Variants in KCND2 observed in about 807,000 individuals in gnomAD.
The protein encoded by KCND2 is potassium voltage-gated channel subfamily D member 2.
KCND2 carries 16 observed loss-of-function variants against 54.4 expected under a neutral mutation model. The observed-to-expected ratio is 0.29, with a 90% CI of 0.20 to 0.45. The LOEUF (loss-of-function observed/expected upper bound fraction) is 0.45, where lower values mean the gene tolerates loss of function less well. KCND2 is among the 20% of genes least tolerant of loss of function. The probability of loss-of-function intolerance (pLI) is 1.00; values close to 1 mark genes in which losing one functional copy is unlikely to be tolerated. For missense variants in KCND2, 486 were observed against 824.2 expected (o/e 0.59, Z 5.02); for synonymous variants, 317 against 310.7 (o/e 1.02, Z -0.21).
At chr7:120,725,728 A>G (rs558782399) in intron 1 of KCND2, among the ~76,000 whole-genome samples, 30 of 152,314 alleles carry the variant, frequency 2.0e-4, no homozygotes, top group African/African-American at 7.2e-4. Context: ...TATGTTGACA[A>G]TATTTAACAT....
chr7:120,396,963 T>A (rs1801164215), intron 1 of KCND2, among the ~76,000 whole-genome samples: 2 of 152,116 alleles, frequency 1.3e-5, no homozygotes, highest in South Asian at 2.1e-4. Context: ...AGTCAAGCTA[T>A]CTATTTTTAA....
chr7:120,373,514 AC>A (rs1800793444), intron 1 of KCND2, among the ~76,000 whole-genome samples: 1 of 151,890 alleles, frequency 6.6e-6, no homozygotes, highest in Non-Finnish European at 1.5e-5. Context: ...ATAATAATGA[AC>A]TTAATTGTTC....
chr7:120,691,488 G>A (rs978080524), intron 1 of KCND2, among the ~76,000 whole-genome samples: 3 of 152,152 alleles, frequency 2.0e-5, no homozygotes, highest in Middle Eastern at 3.2e-3. Context: ...CAGAGGTATA[G>A]GATGACTGAG....
At chr7:120,587,095 T>G (rs543551773) in intron 1 of KCND2, among the ~76,000 whole-genome samples, 1 of 152,272 alleles carries the variant, frequency 6.6e-6, no homozygotes, top group Non-Finnish European at 1.5e-5. Flanking sequence ...CTATTTTAGC[T>G]CTATAAATCA....
chr7:120,532,879 G>A (rs73721413), intron 1 of KCND2, among the ~76,000 whole-genome samples: 3,493 of 151,998 alleles, frequency 0.023, 141 homozygotes, highest in African/African-American at 0.08. Flanking sequence ...AAGATAAGCC[G>A]CTATGTAGTC....
intron 1 of KCND2, among the ~76,000 whole-genome samples, chr7:120,347,705 A>G (rs985420259): frequency 6.6e-6 from 1 of 151,728 alleles, no homozygotes; most frequent in Non-Finnish European, 1.5e-5. Context: ...TGCAGTGAGG[A>G]GAGATCACAC....
At chr7:120,553,607 A>G (rs978976732) in intron 1 of KCND2, among the ~76,000 whole-genome samples, 1 of 152,156 alleles carries the variant, frequency 6.6e-6, no homozygotes, top group African/African-American at 2.4e-5. Flanking sequence ...TTCTGCTGCT[A>G]CAGCTGCTGA....
chr7:120,359,215 G>A (rs1800554488), intron 1 of KCND2, among the ~76,000 whole-genome samples: 1 of 152,152 alleles, frequency 6.6e-6, no homozygotes, highest in South Asian at 2.1e-4. Flanking sequence ...GAAAGATTTT[G>A]TGCTCTGTGC....
At chr7:120,640,293 A>T in intron 1 of KCND2, among the ~76,000 whole-genome samples, 1 of 152,166 alleles carries the variant, frequency 6.6e-6, no homozygotes, top group East Asian at 1.9e-4. Flanking sequence ...CCTGTGTTTG[A>T]TGTTAATGTG....
chr7:120,292,229 A>G (rs1374995388), intron 1 of KCND2, among the ~76,000 whole-genome samples: 1 of 151,890 alleles, frequency 6.6e-6, no homozygotes, highest in African/African-American at 2.4e-5. Flanking sequence ...TAAATGTCCT[A>G]TTTGTATTTT....
At chr7:120,570,777 A>G (rs1792356179) in intron 1 of KCND2, among the ~76,000 whole-genome samples, 2 of 152,294 alleles carry the variant, frequency 1.3e-5, no homozygotes, top group African/African-American at 2.4e-5. Flanking sequence ...AGATTTCTTA[A>G]AAGTCCAGTC....
At position 120,382,284 on chromosome 7, in the gene KCND2, A is replaced by T. The variant is rs117049160; in HGVS notation, c.1115+106537A>T. Among the ~76,000 whole-genome samples the T allele has an allele frequency of 8.6e-3, 1,309 of 152,038 alleles. 27 individuals carry two copies. The highest frequency in any genetic ancestry group is 0.017 in the Middle Eastern group (5 of 294). On this transcript the variant is annotated intron_variant, in intron 1 of 5. Transcript: ENST00000331113. ...CCTAATTATTCAGATACTGAATAGG[A>T]CACGTAAGAGCACAAGGATGAAAAT...
chr7:120,566,121 A>G (rs1462012488), intron 1 of KCND2, among the ~76,000 whole-genome samples: 1 of 152,186 alleles, frequency 6.6e-6, no homozygotes, highest in Non-Finnish European at 1.5e-5. Flanking sequence ...TCTACCTATT[A>G]CTGACATATG....
intron 1 of KCND2, among the ~76,000 whole-genome samples, chr7:120,543,360 C>T (rs530611463): frequency 7.6e-4 from 115 of 151,636 alleles, no homozygotes; most frequent in African/African-American, 2.5e-3. Flanking sequence ...TACTGCGTGT[C>T]GATTTTCCAA....
chr7:120,548,769 AT>A (rs928805172), intron 1 of KCND2, among the ~76,000 whole-genome samples: 8 of 152,136 alleles, frequency 5.3e-5, no homozygotes, highest in Admixed American at 5.2e-4. Context: ...CACACATAGC[AT>A]TTTAGTGAGT....
chr7:120,706,714 AC>A (rs1396442713), intron 1 of KCND2, among the ~76,000 whole-genome samples: 3 of 152,190 alleles, frequency 2.0e-5, no homozygotes, highest in African/African-American at 7.2e-5. Flanking sequence ...AACAAATTAC[AC>A]ATTTTAAGAA....
At chr7:120,709,367 A>C (rs1792510182) in intron 1 of KCND2, among the ~76,000 whole-genome samples, 1 of 152,172 alleles carries the variant, frequency 6.6e-6, no homozygotes, top group African/African-American at 2.4e-5. Context: ...AAAATTGCAC[A>C]ATTCTTATTT....
At chr7:120,747,604 C>G (rs1360426720) in intron 5 of KCND2, 77 bp from the exon 6 acceptor site, 1 of 989,718 alleles carries the variant, frequency 1.0e-6, no homozygotes, top group Non-Finnish European at 1.6e-6. Context: ...ATAAGCATTA[C>G]AACACATATT....
At chr7:120,724,806 C>T (rs1315219285) in intron 1 of KCND2, among the ~76,000 whole-genome samples, 1 of 152,032 alleles carries the variant, frequency 6.6e-6, no homozygotes, top group Non-Finnish European at 1.5e-5. Context: ...ATGTGTACCT[C>T]TCAGTAATCA....
Sources: gnomAD v4.1 joint callset for allele counts (sites outside exome capture counted in the v4.1 genomes callset) on GRCh38, gnomAD v4.1.1 for gene constraint, MANE v1.5 for transcripts, NCBI Gene and HGNC (gene_info 2026-07-23, HGNC 2026-07-21) for gene names.